The following NLK variants were observed in gnomAD, a reference collection of about 807,000 sequenced individuals.
NLK encodes the protein nemo like kinase, also known as serine/threonine-protein kinase NLK.
Under a neutral mutation model 59.0 loss-of-function variants are expected in NLK, and 11 were observed. That is an observed-to-expected ratio of 0.19 (90% CI 0.12 to 0.31). The LOEUF (loss-of-function observed/expected upper bound fraction) is 0.31. Ranked by LOEUF, NLK falls within the 10% of genes least tolerant of loss-of-function variation. The pLI, the probability that NLK is intolerant of heterozygous loss-of-function variation, is 1.00. For synonymous variants in NLK, 235 were observed against 235.9 expected (o/e 1.00, Z 0.03); for missense variants, 410 against 661.1 (o/e 0.62, Z 4.16).
Position 28,042,713 on chromosome 17 carries a change from C to G in NLK, c.-161C>G, listed in dbSNP as rs1302892717. ...CCACACCCTTCCACACACGCTCACC[C>G]CAAAATTAAACACCAAGATCCTCTA... is the stretch of plus-strand genomic sequence containing the variant. On this transcript the variant is annotated 5_prime_UTR_variant, in exon 1 of 11. Coordinates refer to ENST00000407008, the MANE Select transcript of NLK (RefSeq NM_016231.5). The G allele has an allele frequency of 4.7e-6, 3 of 634,754 alleles. No individual in the cohort carries two copies. Among genetic ancestry groups the G allele is most frequent in the Non-Finnish European group, 7.6e-6 (3 of 394,574 alleles). 39.3% of individuals were successfully genotyped at this position (634,754 alleles called of 1,614,324 possible).
At chr17:28,045,512 TG>T (rs760146872) in intron 1 of NLK, among the ~76,000 whole-genome samples, 6 of 152,360 alleles carry the variant, frequency 3.9e-5, no homozygotes, top group Admixed American at 2.0e-4. Flanking sequence ...TTCGGGTCTT[TG>T]TTTTTTTAAC....
chr17:28,186,397 A>G (rs2142070047), intron 8 of NLK, among the ~76,000 whole-genome samples: 1 of 152,342 alleles, frequency 6.6e-6, no homozygotes, highest in South Asian at 2.1e-4. Flanking sequence ...GTCTCAGGGT[A>G]CAATTTAGAT....
chr17:28,067,368 A>G (rs974731049), intron 1 of NLK, among the ~76,000 whole-genome samples: 1 of 152,180 alleles, frequency 6.6e-6, no homozygotes, highest in Non-Finnish European at 1.5e-5. Flanking sequence ...TTTTATGTAC[A>G]TGGACAATGC....
At chr17:28,060,536 T>C (rs1005772889) in intron 1 of NLK, among the ~76,000 whole-genome samples, 3 of 152,108 alleles carry the variant, frequency 2.0e-5, no homozygotes, top group African/African-American at 4.8e-5. Flanking sequence ...TCTTCCAAAG[T>C]GCCGGGATTA....
At chr17:28,094,501 G>A (rs35981866) in intron 1 of NLK, among the ~76,000 whole-genome samples, 357 of 152,276 alleles carry the variant, frequency 2.3e-3, no homozygotes, top group African/African-American at 8.1e-3. Context: ...GGGAGTTCTT[G>A]ACAAAGGAGC....
At chr17:28,055,454 A>C (rs1412991353) in intron 1 of NLK, among the ~76,000 whole-genome samples, 1 of 151,724 alleles carries the variant, frequency 6.6e-6, no homozygotes, top group Non-Finnish European at 1.5e-5. Context: ...CTCCCACCTC[A>C]GCCTCCTGAG....
At chr17:28,173,681 C>A (rs959826154) in intron 7 of NLK, among the ~76,000 whole-genome samples, 2 of 152,190 alleles carry the variant, frequency 1.3e-5, no homozygotes, top group African/African-American at 4.8e-5. Context: ...GAGGCCCTAA[C>A]ACCTTGAGAA....
At chr17:28,051,331 T>A (rs1909247502) in intron 1 of NLK, among the ~76,000 whole-genome samples, 1 of 152,044 alleles carries the variant, frequency 6.6e-6, no homozygotes, top group African/African-American at 2.4e-5. Flanking sequence ...ACCAGAGAAC[T>A]TGATGTTCAA....
At chr17:28,081,939 G>A (rs1910360900) in intron 1 of NLK, among the ~76,000 whole-genome samples, 1 of 152,158 alleles carries the variant, frequency 6.6e-6, no homozygotes, top group African/African-American at 2.4e-5. Context: ...TGCCACCCAG[G>A]CCAGAGTGCA....
At chr17:28,130,281 C>G (rs1379574017) in intron 2 of NLK, among the ~76,000 whole-genome samples, 1 of 152,168 alleles carries the variant, frequency 6.6e-6, no homozygotes, top group African/African-American at 2.4e-5. Flanking sequence ...TACCTTCTCA[C>G]TTACTCATTT....
At chr17:28,146,382 T>TTGATGATGA (rs10633971) in intron 3 of NLK, among the ~76,000 whole-genome samples, 132 of 150,588 alleles carry the variant, frequency 8.8e-4, no homozygotes, top group Non-Finnish European at 1.5e-3. Flanking sequence ...TATAACGATG[T>TTGATGATGA]TGATGATGAT....
At position 28,196,265 on chromosome 17, in the gene NLK, G is replaced by C. The variant is rs1288533664; in HGVS notation, c.*1629G>C. On this transcript the variant is annotated 3_prime_UTR_variant, in exon 11 of 11. Coordinates refer to ENST00000407008, the MANE Select transcript of NLK (RefSeq NM_016231.5). ...TATCAAAAGAGCCCAAGAAGACACT[G>C]GTGTGAAAGGTACAATCTCAGAGGT... The C allele has an allele frequency of 6.6e-6, 1 of 152,512 alleles. No homozygotes were observed. Among genetic ancestry groups the C allele is most frequent in the African/African-American group, 2.4e-5 (1 of 41,398 alleles). The allele number at this position is 152,512 out of a possible 1,614,324, so 9.4% of individuals were successfully genotyped here.
chr17:28,080,600 T>C (rs1296497301), intron 1 of NLK, among the ~76,000 whole-genome samples: 4 of 152,194 alleles, frequency 2.6e-5, no homozygotes, highest in Non-Finnish European at 5.9e-5. Flanking sequence ...GGTAAGTTCA[T>C]GCTGCTCATG....
chr17:28,166,672 C>T (rs1908252835), intron 5 of NLK, among the ~76,000 whole-genome samples: 2 of 152,084 alleles, frequency 1.3e-5, no homozygotes, highest in Admixed American at 1.3e-4. Context: ...TTTGATTGCC[C>T]AATATCAAGA....
intron 1 of NLK, among the ~76,000 whole-genome samples, chr17:28,046,372 T>C (rs1204438315): frequency 1.3e-5 from 2 of 152,368 alleles, no homozygotes; most frequent in Admixed American, 1.3e-4. Flanking sequence ...TGCTGTATTT[T>C]ATCTCAAAGT....
At chr17:28,198,592 T>G (rs1485353664), downstream of NLK, among the ~76,000 whole-genome samples, 3 of 152,224 alleles carry the variant, frequency 2.0e-5, no homozygotes, top group Non-Finnish European at 4.4e-5. Context: ...CCCAAAGTGC[T>G]GGGATTACAG....
chr17:28,167,668 G>A (rs1908294792), intron 5 of NLK, among the ~76,000 whole-genome samples: 1 of 150,338 alleles, frequency 6.7e-6, no homozygotes, highest in African/African-American at 2.5e-5. Flanking sequence ...TGGGCAACAT[G>A]GCAAAACCTC....
chr17:28,121,979 T>C lies in NLK; in HGVS notation c.459-624T>C, dbSNP rs375142620. Among the ~76,000 whole-genome samples the C allele has an allele frequency of 5.3e-5, 8 of 152,062 alleles. No homozygotes were observed. In the East Asian group the frequency reaches 1.5e-3, roughly 29 times the overall value. ...ACACAGTTATTAAAAAGATAGTAAC[T>C]GCAAGAAGCAACTACCACACTAAGA... On this transcript the variant is annotated intron_variant, in intron 1 of 10. Transcript: ENST00000407008.
At chr17:28,092,077 AG>A (rs1005963329) in intron 1 of NLK, among the ~76,000 whole-genome samples, 5 of 152,366 alleles carry the variant, frequency 3.3e-5, no homozygotes, top group African/African-American at 1.2e-4. Flanking sequence ...GTGCTGCCAA[AG>A]GGCATAACCT....
Sources: allele counts gnomAD v4.1 joint callset (sites outside exome capture counted in the v4.1 genomes callset), GRCh38; gene constraint gnomAD v4.1.1; transcripts MANE v1.5; gene names NCBI Gene and HGNC (gene_info 2026-07-23, HGNC 2026-07-21).